The following TNFRSF11A variants were observed in gnomAD, a reference collection of about 807,000 sequenced individuals.
The protein encoded by TNFRSF11A is tumor necrosis factor receptor superfamily member 11A.
In TNFRSF11A, 32 loss-of-function variants were observed where a neutral mutation model predicts 55.7. The observed-to-expected ratio is 0.57, with a 90% CI of 0.43 to 0.77. The LOEUF is 0.77. TNFRSF11A is among the 30% of genes least tolerant of loss of function. The probability of loss-of-function intolerance (pLI) is 0.00; values close to 1 mark genes in which losing one functional copy is unlikely to be tolerated. For synonymous variants in TNFRSF11A, 311 were observed against 331.0 expected (o/e 0.94, Z 0.65); for missense variants, 753 against 809.8 (o/e 0.93, Z 0.85).
At chr18:62,364,782 T>A (rs1411824525) in intron 7 of TNFRSF11A, among the ~76,000 whole-genome samples, 1 of 152,184 alleles carries the variant, frequency 6.6e-6, no homozygotes, top group African/African-American at 2.4e-5. Context: ...TTGCGTGTAC[T>A]ACGTACATCT....
intron 9 of TNFRSF11A, among the ~76,000 whole-genome samples, chr18:62,373,558 A>G (rs1027252321): frequency 1.3e-5 from 2 of 152,234 alleles, no homozygotes; most frequent in African/African-American, 4.8e-5. Context: ...TCATTCATCC[A>G]TTCAGGAATA....
rs1911640978 is a variant in TNFRSF11A, at chr18:62,385,345, G to A, written c.*311G>A. 2 of 156,562 alleles carry A rather than the reference G, an allele frequency of 1.3e-5. No individual in the cohort carries two copies. The highest frequency in any genetic ancestry group is 1.8e-4 in the Admixed American group (2 of 11,224). The allele number at this position is 156,562 out of a possible 1,614,324, so 9.7% of individuals were successfully genotyped here. A position where few individuals can be genotyped will look rare whatever the true frequency, so the allele number is the denominator to read the frequency against. ...ATTTTTATGACTATCCTGTTCTGTG[G>A]GGGGGGGGGTCTGTTTTCCCCCCAT... On this transcript the variant is annotated 3_prime_UTR_variant, in exon 10 of 10. Transcript: ENST00000586569.
chr18:62,353,405 G>A (rs764117997), intron 3 of TNFRSF11A, among the ~76,000 whole-genome samples: 7 of 152,166 alleles, frequency 4.6e-5, no homozygotes, highest in Non-Finnish European at 8.8e-5. Flanking sequence ...TCTTCAGCAC[G>A]ACAGTTGGGG....
At chr18:62,375,777 G>T (rs1910849752) in intron 9 of TNFRSF11A, among the ~76,000 whole-genome samples, 1 of 152,116 alleles carries the variant, frequency 6.6e-6, no homozygotes, top group Non-Finnish European at 1.5e-5. Context: ...AAGGTGGGAG[G>T]ATCTCTTGAA....
intron 9 of TNFRSF11A, among the ~76,000 whole-genome samples, chr18:62,375,686 C>T (rs866423850): frequency 3.3e-5 from 5 of 152,098 alleles, no homozygotes; most frequent in Admixed American, 6.5e-5. Context: ...AGCTAGTAAG[C>T]GACAAAGCCA....
intron 6 of TNFRSF11A, among the ~76,000 whole-genome samples, chr18:62,361,297 T>C (rs1909664766): frequency 1.3e-5 from 2 of 152,116 alleles, no homozygotes; most frequent in Non-Finnish European, 2.9e-5. Context: ...CCTGTTGCTA[T>C]TAGGAAAGAG....
rs904101259 is a variant in TNFRSF11A at position 62,389,911 on chromosome 18, T to C, written c.*4877T>C. On this transcript the variant is annotated 3_prime_UTR_variant, in exon 10 of 10. Coordinates refer to ENST00000586569, the MANE Select transcript of TNFRSF11A (RefSeq NM_003839.4). ...CTCAGCGCTGTGACTTGTGGACTTA[T>C]CTTGTGCAGCTACATCACTTCTTAG... 2 of 152,240 alleles carry C rather than the reference T, an allele frequency of 1.3e-5. No individual in the cohort carries two copies. The highest frequency in any genetic ancestry group is 2.4e-5 in the African/African-American group (1 of 41,446). 9.4% of individuals were successfully genotyped at this position (152,240 alleles called of 1,614,324 possible).
chr18:62,339,613 T>G (rs1173474414), intron 1 of TNFRSF11A, among the ~76,000 whole-genome samples: 1 of 152,188 alleles, frequency 6.6e-6, no homozygotes, highest in Non-Finnish European at 1.5e-5. Context: ...CTGCCTTCAG[T>G]CCTACAGCAA....
At chr18:62,333,415 G>C (rs1185978795) in intron 1 of TNFRSF11A, among the ~76,000 whole-genome samples, 2 of 152,180 alleles carry the variant, frequency 1.3e-5, no homozygotes, top group Non-Finnish European at 1.5e-5. Flanking sequence ...AGCTGCTAGA[G>C]ACCCCGGGAT....
intron 9 of TNFRSF11A, among the ~76,000 whole-genome samples, chr18:62,384,046 A>AACAC (rs58712892): frequency 0.015 from 2,189 of 146,022 alleles, 28 homozygotes; most frequent in East Asian, 0.057. Context: ...TTCTGTGTTG[A>AACAC]ACACACACAC....
In TNFRSF11A at chr18:62,390,435, A is replaced by G. The variant is rs1345128664; in HGVS notation, c.*5401A>G. 1 of 152,266 alleles carries G rather than the reference A, an allele frequency of 6.6e-6. No homozygotes were observed. Among genetic ancestry groups the G allele is most frequent in the Non-Finnish European group, 1.5e-5 (1 of 68,074 alleles). The allele number at this position is 152,266 out of a possible 1,614,324, so 9.4% of individuals were successfully genotyped here. On this transcript the variant is annotated 3_prime_UTR_variant, in exon 10 of 10. Coordinates refer to ENST00000586569, the MANE Select transcript of TNFRSF11A (RefSeq NM_003839.4). Reference sequence around the variant, plus strand: ...GAAAGGCTATGTGGGCTAGTTTGTCATGGTATTCCTGGTGCCTCTCCCCGT... The same window carrying G: ...GAAAGGCTATGTGGGCTAGTTTGTCGTGGTATTCCTGGTGCCTCTCCCCGT...
chr18:62,372,414 G>GT (rs1347268097), intron 9 of TNFRSF11A, among the ~76,000 whole-genome samples: 1 of 151,738 alleles, frequency 6.6e-6, no homozygotes, highest in Admixed American at 6.6e-5. Context: ...TGGTGGCTTG[G>GT]TTTTGGCTCC....
intron 9 of TNFRSF11A, among the ~76,000 whole-genome samples, chr18:62,370,905 T>C (rs1364518951): frequency 1.3e-5 from 2 of 151,984 alleles, no homozygotes; most frequent in Non-Finnish European, 2.9e-5. Flanking sequence ...TCTCGGCTCA[T>C]TGCAACCTCC....
chr18:62,374,676 G>A (rs1910768733), intron 9 of TNFRSF11A, among the ~76,000 whole-genome samples: 2 of 152,178 alleles, frequency 1.3e-5, no homozygotes, highest in South Asian at 2.1e-4. Flanking sequence ...GTCAGGGATT[G>A]TGTTCTTAGA....
Position 62,385,500 on chromosome 18 carries a change from T to C in TNFRSF11A, c.*466T>C, listed in dbSNP as rs2980963. 1 of 152,928 alleles carries C rather than the reference T, an allele frequency of 6.5e-6. No individual in the cohort carries two copies. The highest frequency in any genetic ancestry group is 2.4e-5 in the African/African-American group (1 of 41,450). The allele number at this position is 152,928 out of a possible 1,614,324, so 9.5% of individuals were successfully genotyped here. A position where few individuals can be genotyped will look rare whatever the true frequency, so the allele number is the denominator to read the frequency against. ...TCTTTTCCTTTTTTTTTTCTTTTTT[T>C]GGCAACCTGGCTCTGGCCCAGGCTA... On this transcript the variant is annotated 3_prime_UTR_variant, in exon 10 of 10. Transcript: ENST00000586569.
chr18:62,353,959 C>G (rs938045943), intron 3 of TNFRSF11A, among the ~76,000 whole-genome samples: 2 of 152,176 alleles, frequency 1.3e-5, no homozygotes, highest in Non-Finnish European at 2.9e-5. Flanking sequence ...CAGGATCCTA[C>G]AATGAATCCT....
chr18:62,345,834 A>G (rs1459945030), intron 1 of TNFRSF11A, among the ~76,000 whole-genome samples: 1 of 152,208 alleles, frequency 6.6e-6, no homozygotes, highest in Admixed American at 6.5e-5. Flanking sequence ...ATCTGTGACA[A>G]TCAATTAAAA....
intron 8 of TNFRSF11A, 124 bp from the exon 9 acceptor site, chr18:62,368,577 T>G: frequency 9.7e-7 from 1 of 1,028,202 alleles, no homozygotes; most frequent in Non-Finnish European, 1.5e-6. Context: ...CATAGTCAGT[T>G]TTCCATCTGT....
chr18:62,365,074 C>T (rs1208059564), intron 7 of TNFRSF11A, among the ~76,000 whole-genome samples: 1 of 152,208 alleles, frequency 6.6e-6, no homozygotes, highest in African/African-American at 2.4e-5. Flanking sequence ...AATCCTCCCA[C>T]CTCAGCCCCC....
Sources: gnomAD v4.1 joint callset for allele counts (sites outside exome capture counted in the v4.1 genomes callset) on GRCh38, gnomAD v4.1.1 for gene constraint, MANE v1.5 for transcripts, NCBI Gene and HGNC (gene_info 2026-07-23, HGNC 2026-07-21) for gene names.